APBB2: variants seen among roughly 807,000 people sequenced by gnomAD.
APBB2 encodes the protein amyloid beta precursor protein binding family B member 2, also known as Fe65-like 1.
APBB2 carries 38 observed loss-of-function variants against 82.5 expected under a neutral mutation model. The ratio of observed to expected loss-of-function variants is 0.46; its 90% CI spans 0.36 to 0.60. The LOEUF is 0.60. APBB2 is among the 20% of genes least tolerant of loss of function. The pLI, the probability that APBB2 is intolerant of heterozygous loss-of-function variation, is 0.00. For synonymous variants in APBB2, 341 were observed against 368.2 expected, an observed-to-expected ratio of 0.93 and a Z score of 0.85; for missense variants, 772 against 972.3, an observed-to-expected ratio of 0.79 and a Z score of 2.74.
chr4:40,915,832 G>A (rs956701552), intron 10 of APBB2, among the ~76,000 whole-genome samples: 5 of 152,050 alleles, frequency 3.3e-5, no homozygotes, highest in East Asian at 1.9e-4. Flanking sequence ...CTGGGACCCC[G>A]GAACCCGGCC....
intron 12 of APBB2, among the ~76,000 whole-genome samples, chr4:40,841,406 G>T (rs986393784): frequency 6.6e-6 from 1 of 152,142 alleles, no homozygotes; most frequent in Non-Finnish European, 1.5e-5. Flanking sequence ...TAGAGCTATG[G>T]AATCATGGAG....
At chr4:40,933,048 G>A (rs1373282104) in intron 10 of APBB2, among the ~76,000 whole-genome samples, 4 of 152,202 alleles carry the variant, frequency 2.6e-5, no homozygotes, top group Non-Finnish European at 5.9e-5. Flanking sequence ...ATTTTTAGTA[G>A]AGACGGGGTT....
At position 40,815,805 on chromosome 4, in the gene APBB2, CTG is replaced by C. The variant is rs1056238328; in HGVS notation, c.*285_*286del. The C allele has an allele frequency of 1.1e-4, 37 of 322,872 alleles. No individual in the cohort carries two copies. Among genetic ancestry groups the C allele is most frequent in the East Asian group, 1.6e-4 (3 of 18,762 alleles). The allele number at this position is 322,872 out of a possible 1,614,324, so 20.0% of individuals were successfully genotyped here. On this transcript the variant is annotated 3_prime_UTR_variant, in exon 18 of 18. Coordinates refer to ENST00000508593, the MANE Select transcript of APBB2 (RefSeq NM_004307.2). ...AGGAGGGGTGGGGCCACACTCTTCT[CTG>C]TGTGTGTGTGAAGTTAAGTAATGTT...
intron 12 of APBB2, among the ~76,000 whole-genome samples, chr4:40,841,353 C>T (rs955135581): frequency 2.6e-5 from 4 of 152,146 alleles, no homozygotes; most frequent in Non-Finnish European, 5.9e-5. Context: ...GAATTATCTC[C>T]AAATTCCCTT....
In APBB2 at chr4:40,813,960, G is replaced by C. The variant is rs1744971490; in HGVS notation, c.*2132C>G. 6.6e-6 allele frequency: 1 copy of C among 152,214 alleles called. No homozygotes were observed. Among genetic ancestry groups the C allele is most frequent in the African/African-American group, 2.4e-5 (1 of 41,466 alleles). 9.4% of individuals were successfully genotyped at this position (152,214 alleles called of 1,614,324 possible). ...GTAGTATGTCAATTGGTGAAAAACA[G>C]ACTGCGTTTCTAAAGTAGCATAGTT... On this transcript the variant is annotated 3_prime_UTR_variant, in exon 18 of 18. Transcript: ENST00000508593.
At chr4:40,949,987 C>A (rs113431385) in intron 6 of APBB2, among the ~76,000 whole-genome samples, 1 of 152,074 alleles carries the variant, frequency 6.6e-6, no homozygotes, top group African/African-American at 2.4e-5. Flanking sequence ...TAAAACGCAC[C>A]GTGGGAACCC....
chr4:40,829,622 C>T (rs1290417543), intron 13 of APBB2, among the ~76,000 whole-genome samples: 1 of 151,728 alleles, frequency 6.6e-6, no homozygotes, highest in East Asian at 1.9e-4. Context: ...GCCAGAGCTG[C>T]TTGGTAATAG....
chr4:41,085,688 A>T (rs530044252), intron 3 of APBB2, among the ~76,000 whole-genome samples: 3 of 152,352 alleles, frequency 2.0e-5, no homozygotes, highest in African/African-American at 7.2e-5. Flanking sequence ...CAAGGAACAA[A>T]AAATGGCAGA....
intron 5 of APBB2, among the ~76,000 whole-genome samples, chr4:41,022,832 C>G (rs184014548): frequency 1.8e-4 from 26 of 146,396 alleles, no homozygotes; most frequent in South Asian, 1.2e-3. Context: ...TTATTAAACA[C>G]TGAAAGGAAA....
At chr4:40,864,501 C>T (rs1763576083) in intron 12 of APBB2, among the ~76,000 whole-genome samples, 1 of 152,176 alleles carries the variant, frequency 6.6e-6, no homozygotes, top group South Asian at 2.1e-4. Context: ...AGAAATTCTC[C>T]TGCCCAATGG....
chr4:40,926,492 CTGGCATGCGG>C (rs1782635872), intron 10 of APBB2, among the ~76,000 whole-genome samples: 2 of 151,982 alleles, frequency 1.3e-5, no homozygotes, highest in African/African-American at 4.8e-5. Context: ...GTTGCCCAGG[CTGGCATGCGG>C]TGGCGCGATC....
intron 12 of APBB2, chr4:40,857,224 TG>T (rs1025566613): frequency 8.9e-5 from 87 of 974,468 alleles, no homozygotes; most frequent in Non-Finnish European, 1.0e-4. Flanking sequence ...CATTGGCTGC[TG>T]GGGAGGCGCG....
At chr4:40,909,568 G>A (rs1777992849) in intron 10 of APBB2, among the ~76,000 whole-genome samples, 1 of 152,164 alleles carries the variant, frequency 6.6e-6, no homozygotes, top group Non-Finnish European at 1.5e-5. Context: ...CTGGCATTAT[G>A]AGTCCTATTT....
At chr4:40,837,059 T>C (rs1425787265) in intron 12 of APBB2, among the ~76,000 whole-genome samples, 3 of 152,202 alleles carry the variant, frequency 2.0e-5, no homozygotes, top group Non-Finnish European at 2.9e-5. Flanking sequence ...CTTGATTTTC[T>C]TGTATTCTGA....
chr4:41,035,829 T>C (rs1718941544), intron 4 of APBB2, among the ~76,000 whole-genome samples: 1 of 152,204 alleles, frequency 6.6e-6, no homozygotes, highest in Non-Finnish European at 1.5e-5. Flanking sequence ...ACTATTTACA[T>C]AGCATTTATA....
chr4:41,068,788 CTTTTTTTTT>C (rs71198628), intron 3 of APBB2, among the ~76,000 whole-genome samples: 1 of 78,378 alleles, frequency 1.3e-5, no homozygotes, highest in African/African-American at 5.1e-5. Flanking sequence ...TACCAACCAT[CTTTTTTTTT>C]TTTTTTTTTT....
intron 5 of APBB2, among the ~76,000 whole-genome samples, chr4:41,031,985 A>T (rs7670610): frequency 0.046 from 6,970 of 152,240 alleles, 343 homozygotes; most frequent in African/African-American, 0.12. Flanking sequence ...AGACACTGAT[A>T]TTCCTGTGTA....
At chr4:40,875,915 T>C (rs1045530992) in intron 12 of APBB2, among the ~76,000 whole-genome samples, 1 of 152,262 alleles carries the variant, frequency 6.6e-6, no homozygotes, top group Non-Finnish European at 1.5e-5. Context: ...CTCTAGCTGC[T>C]GTTATGATCT....
At chr4:41,023,436 C>G (rs1352498137) in intron 5 of APBB2, among the ~76,000 whole-genome samples, 1 of 152,120 alleles carries the variant, frequency 6.6e-6, no homozygotes, top group African/African-American at 2.4e-5. Context: ...GAAAATCCCA[C>G]AGCCTCAGCC....
Sources: allele counts gnomAD v4.1 joint callset (sites outside exome capture counted in the v4.1 genomes callset), GRCh38; gene constraint gnomAD v4.1.1; transcripts MANE v1.5; gene names NCBI Gene and HGNC (gene_info 2026-07-23, HGNC 2026-07-21).